Variants in SIAH2 observed in about 807,000 individuals in gnomAD.
SIAH2 encodes siah E3 ubiquitin protein ligase 2.
In SIAH2, 4 loss-of-function variants were observed where a neutral mutation model predicts 20.4. The ratio of observed to expected loss-of-function variants is 0.20; its 90% confidence interval spans 0.10 to 0.45. SIAH2 has a LOEUF of 0.45. Ranked by LOEUF, SIAH2 falls within the 20% of genes least tolerant of loss-of-function variation. The probability of loss-of-function intolerance (pLI) is 0.99; values close to 1 mark genes in which losing one functional copy is unlikely to be tolerated. For missense variants in SIAH2, 259 were observed against 440.3 expected, an observed-to-expected ratio of 0.59 and a Z score of 3.69; for synonymous variants, 171 against 192.5, an observed-to-expected ratio of 0.89 and a Z score of 0.93.
intron 1 of SIAH2, among the ~76,000 whole-genome samples, chr3:150,757,287 C>G (rs2108124681): frequency 6.6e-6 from 1 of 152,192 alleles, no homozygotes; most frequent in South Asian, 2.1e-4. Flanking sequence ...AAGAAAGAAC[C>G]TTGGGATAAT....
Position 150,762,624 on chromosome 3 carries a change from A to C in SIAH2, c.226T>G (p.Ser76Ala). 1 of 1,609,574 alleles carries C rather than the reference A, an allele frequency of 6.2e-7. No individual in the cohort carries two copies. The highest frequency in any genetic ancestry group is 2.2e-5 in the East Asian group (1 of 44,476). The change falls in exon 1 of 2, where the codon TCG becomes GCG. Residue 76 changes from serine to alanine, a missense_variant. By Grantham distance (99) the Ser-to-Ala change is moderately conservative. Transcript: ENST00000312960. This position sits in a 1 kb window ranked among gnomAD's most constrained non-coding sequence, Gnocchi z 6.6. ...PVSPQHHELT[S>A]LFECPVCFDY... ...AAGCAGACCGGACACTCGAAGAGCG[A>C]GGTCAGCTCGTGGTGCTGCGGGGAC...
intron 1 of SIAH2, among the ~76,000 whole-genome samples, chr3:150,755,322 CTTTTTTTTTTTTTT>C (rs386398232): frequency 1.9e-4 from 15 of 80,188 alleles, no homozygotes; most frequent in Middle Eastern, 7.6e-3. Flanking sequence ...CTTTTCTTCC[CTTTTTTTTTTTTTT>C]TTTTTTTTTT....
chr3:150,746,710 T>G (rs559788105), intron 1 of SIAH2, among the ~76,000 whole-genome samples: 1 of 152,300 alleles, frequency 6.6e-6, no homozygotes, highest in African/African-American at 2.4e-5. Context: ...CTGACTCTGA[T>G]AAGAACTACT....
At chr3:150,749,640 A>G (rs1274548231) in intron 1 of SIAH2, among the ~76,000 whole-genome samples, 1 of 152,250 alleles carries the variant, frequency 6.6e-6, no homozygotes, top group Non-Finnish European at 1.5e-5. Context: ...TTTGTTTTAA[A>G]AGAATATATA....
intron 1 of SIAH2, among the ~76,000 whole-genome samples, chr3:150,750,637 T>G (rs1194072548): frequency 6.6e-6 from 1 of 152,168 alleles, no homozygotes; most frequent in East Asian, 1.9e-4. Context: ...AGGGTAGTCA[T>G]GAATTCCCGG....
chr3:150,756,924 G>A (rs1340694942), intron 1 of SIAH2, among the ~76,000 whole-genome samples: 1 of 152,202 alleles, frequency 6.6e-6, no homozygotes, highest in East Asian at 1.9e-4. Context: ...ATAGTTTTGT[G>A]TTAGGAGAAT....
chr3:150,742,003 G>A lies in SIAH2; in HGVS notation c.*138C>T. 3.6e-6 allele frequency: 3 copies of A among 826,534 alleles called. No homozygotes were observed. Among genetic ancestry groups the A allele is most frequent in the South Asian group, 3.7e-5 (2 of 53,866 alleles). The allele number at this position is 826,534 out of a possible 1,614,324, so 51.2% of individuals were successfully genotyped here. A position where few individuals can be genotyped will look rare whatever the true frequency, so the allele number is the denominator to read the frequency against. The stretch of plus-strand genomic sequence containing the variant: ...AACTTTGTTGGGTCGAAGCCAGATG[G>A]GACACTGCTGTTCAAACAAAACACG... On this transcript the variant is annotated 3_prime_UTR_variant, in exon 2 of 2. Transcript: ENST00000312960. The surrounding 1 kb of genome is among the most constrained non-coding windows in gnomAD (Gnocchi z 4.8).
intron 1 of SIAH2, among the ~76,000 whole-genome samples, chr3:150,759,361 C>T (rs1359063403): frequency 6.6e-6 from 1 of 152,106 alleles, no homozygotes; most frequent in Non-Finnish European, 1.5e-5. Context: ...GTAGGTTTCC[C>T]CCACCCTCCC....
Position 150,762,771 on chromosome 3 carries a change from G to A in SIAH2, c.79C>T (p.Pro27Ser), listed in dbSNP as rs1714654486. 8.3e-7 allele frequency: 1 copy of A among 1,210,844 alleles called. No individual in the cohort carries two copies. The allele number at this position is 1,210,844 out of a possible 1,614,324, so 75.0% of individuals were successfully genotyped here. A position where few individuals can be genotyped will look rare whatever the true frequency, so the allele number is the denominator to read the frequency against. ...KQPPPQPQHTPSPAAPPAAAT... is the reference protein window; with the variant it reads ...KQPPPQPQHTSSPAAPPAAAT... ...GCGGCCGGGGGCGCAGCCGGGGACG[G>A]AGTGTGCTGGGGCTGCGGCGGCGGC... The change falls in exon 1 of 2, where the codon CCG becomes TCG. Residue 27 changes from proline (P) to serine (S), a missense_variant. Pro to Ser is a moderately conservative substitution (Grantham distance 74). Coordinates refer to ENST00000312960, the MANE Select transcript of SIAH2 (RefSeq NM_005067.7). This position sits in a 1 kb window ranked among gnomAD's most constrained non-coding sequence, Gnocchi z 6.6.
Position 150,762,573 on chromosome 3 carries a change from G to GCAGA in SIAH2, c.273_276dup (p.Gln93SerfsTer11). On this transcript the variant is annotated frameshift_variant, in exon 1 of 2. Coordinates refer to ENST00000312960, the MANE Select transcript of SIAH2 (RefSeq NM_005067.7). LOFTEE classifies it high-confidence loss of function. The surrounding 1 kb of genome is among the most constrained non-coding windows in gnomAD (Gnocchi z 6.6). ...CACACCAGGTGCCCGGCCTGGCACTGCAGAATAGGAGGCAGGACATAGTCA... is the reference window on the plus strand; with the variant it reads ...CACACCAGGTGCCCGGCCTGGCACTGCAGACAGAATAGGAGGCAGGACATAGTCA... 1 of 1,613,456 alleles carries GCAGA rather than the reference G, an allele frequency of 6.2e-7. No individual in the cohort carries two copies. Among genetic ancestry groups the GCAGA allele is most frequent in the Non-Finnish European group, 8.5e-7 (1 of 1,179,914 alleles).
chr3:150,750,643 C>G (rs1714335553), intron 1 of SIAH2, among the ~76,000 whole-genome samples: 1 of 151,896 alleles, frequency 6.6e-6, no homozygotes, highest in Non-Finnish European at 1.5e-5. Context: ...GTCATGAATT[C>G]CCGGCGTCAA....
At position 150,762,258 on chromosome 3, in the gene SIAH2, A is replaced by G. The variant is rs2108127994; in HGVS notation, c.417+175T>C. The G allele has an allele frequency of 7.6e-7, 1 of 1,311,080 alleles. No individual in the cohort carries two copies. The highest frequency in any genetic ancestry group is 1.5e-5 in the African/African-American group (1 of 67,024). 81.2% of individuals were successfully genotyped at this position (1,311,080 alleles called of 1,614,324 possible). On this transcript the variant is annotated intron_variant, in intron 1 of 1. Coordinates refer to ENST00000312960, the MANE Select transcript of SIAH2 (RefSeq NM_005067.7). This position sits in a 1 kb window ranked among gnomAD's most constrained non-coding sequence, Gnocchi z 6.6. ...AACAATTATTACTCGGTAAATGTCA[A>G]CCCAGACCTACACCCAAAGTGGGCT...
chr3:150,746,725 C>T lies in SIAH2; in HGVS notation c.418-4027G>A, dbSNP rs549568626. 5.6e-4 allele frequency among the ~76,000 whole-genome samples: 86 copies of T among 152,306 alleles called. 1 individual carries two copies. Among genetic ancestry groups the T allele is most frequent in the South Asian group, 1.2e-3 (6 of 4,826 alleles). On this transcript the variant is annotated intron_variant, in intron 1 of 1. Coordinates refer to ENST00000312960, the MANE Select transcript of SIAH2 (RefSeq NM_005067.7). ...CTGACTCTGATAAGAACTACTCATT[C>T]CAATTCTCAAGAATGACAAAACCTG...
chr3:150,745,879 A>G (rs7643119), intron 1 of SIAH2, among the ~76,000 whole-genome samples: 1,568 of 152,302 alleles, frequency 0.01, 37 homozygotes, highest in African/African-American at 0.035. Flanking sequence ...CACAGAAGGA[A>G]TCAGCTGTGG....
rs1159335572 is a variant in SIAH2 at position 150,747,520 on chromosome 3, A to G, written c.418-4822T>C. On this transcript the variant is annotated intron_variant, in intron 1 of 1. Coordinates refer to ENST00000312960, the MANE Select transcript of SIAH2 (RefSeq NM_005067.7). ...AGGGCTGCCTGTGTCTCCTGGGACA[A>G]GCCCACAGCTATAAATGAGATTTCT... 2.0e-5 allele frequency among the ~76,000 whole-genome samples: 3 copies of G among 152,240 alleles called. No individual in the cohort carries two copies. In the East Asian group the frequency reaches 5.8e-4, roughly 29 times the overall value.
At chr3:150,746,755 C>A (rs1258163205) in intron 1 of SIAH2, among the ~76,000 whole-genome samples, 5 of 152,218 alleles carry the variant, frequency 3.3e-5, no homozygotes, top group African/African-American at 1.2e-4. Context: ...AACCTGGCTT[C>A]CAAGCAGCCA....
chr3:150,744,905 T>A (rs1338858461), intron 1 of SIAH2, among the ~76,000 whole-genome samples: 1 of 152,182 alleles, frequency 6.6e-6, no homozygotes, highest in Non-Finnish European at 1.5e-5. Flanking sequence ...GTATTTATAC[T>A]CTGAATTATT....
chr3:150,754,450 A>G (rs1467251557), intron 1 of SIAH2, among the ~76,000 whole-genome samples: 1 of 152,144 alleles, frequency 6.6e-6, no homozygotes, highest in African/African-American at 2.4e-5. Flanking sequence ...TTCATGAGAA[A>G]TCCACCCCCA....
chr3:150,746,916 G>C (rs1285152352), intron 1 of SIAH2, among the ~76,000 whole-genome samples: 1 of 152,204 alleles, frequency 6.6e-6, no homozygotes. Context: ...TTAGACCAGG[G>C]AGTCCATTCT....
Sources: gnomAD v4.1 joint callset for allele counts (sites outside exome capture counted in the v4.1 genomes callset) on GRCh38, gnomAD v4.1.1 for gene constraint, Gnocchi (gnomAD v3.1) non-coding constraint, MANE v1.5 for transcripts, NCBI Gene and HGNC (gene_info 2026-07-23, HGNC 2026-07-21) for gene names.